Variants in TAOK3 observed in about 807,000 individuals in gnomAD.
The protein encoded by TAOK3 is TAO kinase 3.
A neutral mutation model predicts 120.4 loss-of-function variants in TAOK3; 40 were observed. The observed-to-expected ratio is 0.33, with a 90% confidence interval of 0.26 to 0.43. The LOEUF (loss-of-function observed/expected upper bound fraction) is 0.43, where lower values mean the gene tolerates loss of function less well. TAOK3 is among the 20% of genes least tolerant of loss of function. The pLI, the probability that TAOK3 is intolerant of heterozygous loss-of-function variation, is 1.00. For missense variants in TAOK3, 821 were observed against 1,112.1 expected, an observed-to-expected ratio of 0.74 and a Z score of 3.72; for synonymous variants, 355 against 387.5, an observed-to-expected ratio of 0.92 and a Z score of 0.99.
At chr12:118,168,809 C>T (rs1295937445) in intron 17 of TAOK3, among the ~76,000 whole-genome samples, 1 of 152,098 alleles carries the variant, frequency 6.6e-6, no homozygotes, top group Non-Finnish European at 1.5e-5. Flanking sequence ...CTCAGACTTC[C>T]TCCAAATATC....
intron 1 of TAOK3, among the ~76,000 whole-genome samples, chr12:118,366,062 G>A (rs576176155): frequency 1.3e-5 from 2 of 152,156 alleles, no homozygotes; most frequent in South Asian, 2.1e-4. Context: ...TCAGGAATTC[G>A]AGACCAGCCT....
chr12:118,348,438 ATTTC>A (rs1174216144), intron 1 of TAOK3, among the ~76,000 whole-genome samples: 58 of 151,246 alleles, frequency 3.8e-4, no homozygotes, highest in Non-Finnish European at 6.2e-4. Flanking sequence ...CTTCTGCCTT[ATTTC>A]TTTCTTTCTT....
At chr12:118,270,499 A>G (rs1407448291) in intron 1 of TAOK3, among the ~76,000 whole-genome samples, 1 of 152,144 alleles carries the variant, frequency 6.6e-6, no homozygotes, top group East Asian at 1.9e-4. Context: ...GCTTCAAACC[A>G]GTAGTCTAAC....
intron 2 of TAOK3, chr12:118,261,752 T>C (rs1055626133): frequency 2.0e-5 from 3 of 152,218 alleles, no homozygotes; most frequent in African/African-American, 4.8e-5. Context: ...CTTTCTGTTG[T>C]CAAACAACAT....
intron 13 of TAOK3, among the ~76,000 whole-genome samples, chr12:118,197,813 G>A (rs557337450): frequency 3.4e-5 from 5 of 145,136 alleles, no homozygotes; most frequent in Admixed American, 1.5e-4. Flanking sequence ...TCAGCCTCCC[G>A]AGTAGCTGGG....
rs752719207 is a variant in TAOK3, at chr12:118,161,789, T to C, written c.2138A>G (p.Lys713Arg). 1 of 1,614,212 alleles carries C rather than the reference T, an allele frequency of 6.2e-7. No individual in the cohort carries two copies. The highest frequency in any genetic ancestry group is 1.7e-5 in the Admixed American group (1 of 60,032). Residue 713 changes from lysine to arginine, a missense_variant and splice_region_variant, in exon 18 of 21, where the codon AAG becomes AGG. By Grantham distance (26) the Lys-to-Arg change is conservative. Transcript: ENST00000392533. This position sits in a 1 kb window ranked among gnomAD's most constrained non-coding sequence, Gnocchi z 4.5. ...ACTGTCCAGCAGCACAAATCTTACC[T>C]TTAAGTTTTTTGGCTGTTGCCGAAG... ...MELRQQPKNL[K>R]AMEMQIKKQF...
At chr12:118,284,873 A>C (rs2042210903) in intron 1 of TAOK3, among the ~76,000 whole-genome samples, 2 of 152,166 alleles carry the variant, frequency 1.3e-5, no homozygotes, top group South Asian at 4.1e-4. Context: ...GCATTCACCT[A>C]TTAAATATAT....
Position 118,251,223 on chromosome 12 carries a change from C to T in TAOK3, c.120+4225G>A, listed in dbSNP as rs113686046. Among the ~76,000 whole-genome samples the T allele has an allele frequency of 5.5e-3, 838 of 152,224 alleles. 3 individuals are homozygous for T. The highest frequency in any genetic ancestry group is 0.019 in the African/African-American group (776 of 41,532). On this transcript the variant is annotated intron_variant, in intron 3 of 20. Transcript: ENST00000392533. Reference sequence around the variant, plus strand: ...CCAAATAAGAGATAGCAGAGTCTTCCTGGTAATAATGGTACAAGTAACAAA... The same window carrying T: ...CCAAATAAGAGATAGCAGAGTCTTCTTGGTAATAATGGTACAAGTAACAAA...
At chr12:118,266,193 TTTTTA>T (rs1195056662) in intron 2 of TAOK3, among the ~76,000 whole-genome samples, 1 of 152,136 alleles carries the variant, frequency 6.6e-6, no homozygotes, top group East Asian at 1.9e-4. Flanking sequence ...AAGATTTTTA[TTTTTA>T]TTTTATTTTT....
intron 11 of TAOK3, among the ~76,000 whole-genome samples, chr12:118,210,243 C>A (rs1250307791): frequency 6.6e-6 from 1 of 152,016 alleles, no homozygotes; most frequent in African/African-American, 2.4e-5. Flanking sequence ...TGGCTAGATT[C>A]TGTTATTGAG....
intron 2 of TAOK3, among the ~76,000 whole-genome samples, chr12:118,262,710 C>G (rs2041283946): frequency 6.6e-6 from 1 of 150,882 alleles, no homozygotes; most frequent in African/African-American, 2.4e-5. Context: ...ACCTGTAATC[C>G]CAGCTACTTG....
chr12:118,157,131 C>T (rs1302402381), intron 19 of TAOK3, among the ~76,000 whole-genome samples: 1 of 152,134 alleles, frequency 6.6e-6, no homozygotes, highest in African/African-American at 2.4e-5. Context: ...ACTCTCAATT[C>T]TACCTCCCAC....
chr12:118,292,223 G>A (rs2042511872), intron 1 of TAOK3, among the ~76,000 whole-genome samples: 1 of 152,088 alleles, frequency 6.6e-6, no homozygotes, highest in Non-Finnish European at 1.5e-5. Context: ...GTCTTCAATC[G>A]ACAAGTCTAA....
In TAOK3 at chr12:118,235,689, AGGGT is replaced by A; in HGVS notation, c.438-22_438-19del. On this transcript the variant is annotated intron_variant, in intron 7 of 20. Transcript: ENST00000392533. ...TAATATCCCTATAGGAAAAAAAAAA[AGGGT>A]TAGAAAATTACTTTTCAATTTTGAT... The A allele has an allele frequency of 2.0e-6, 3 of 1,494,604 alleles. No homozygotes were observed. Among genetic ancestry groups the A allele is most frequent in the Non-Finnish European group, 2.8e-6 (3 of 1,082,020 alleles). The allele number at this position is 1,494,604 out of a possible 1,614,324, so 92.6% of individuals were successfully genotyped here.
intron 7 of TAOK3, among the ~76,000 whole-genome samples, chr12:118,237,585 T>A (rs555903109): frequency 3.3e-5 from 5 of 152,262 alleles, no homozygotes; most frequent in Admixed American, 3.3e-4. Context: ...AGCCCTGGTC[T>A]CTTCATATGC....
intron 2 of TAOK3, among the ~76,000 whole-genome samples, chr12:118,261,958 T>C (rs1023131460): frequency 6.6e-6 from 1 of 152,102 alleles, no homozygotes; most frequent in Admixed American, 6.5e-5. Flanking sequence ...CCTCCCGGGT[T>C]CCAGCAATTC....
Position 118,182,939 on chromosome 12 carries a change from G to T in TAOK3, c.1330-1332C>A, listed in dbSNP as rs559839559. ...GTAAATGTACATTTCAGCACCTCTT[G>T]CTCATTTCTATTAAATCTTTTGTGA... On this transcript the variant is annotated intron_variant, in intron 14 of 20. Coordinates refer to ENST00000392533, the MANE Select transcript of TAOK3 (RefSeq NM_016281.4). 4.6e-5 allele frequency among the ~76,000 whole-genome samples: 7 copies of T among 151,994 alleles called. No individual in the cohort carries two copies. In the South Asian group the frequency reaches 1.0e-3, roughly 23 times the overall value.
intron 13 of TAOK3, chr12:118,198,386 C>CTTTTTTTTTTTTTTTTTT (rs756808682): frequency 8.2e-6 from 1 of 121,284 alleles, no homozygotes; most frequent in Non-Finnish European, 1.7e-5. Context: ...CTTTCTTCTT[C>CTTTTTTTTTTTTTTTTTT]TTCTTTTTTT....
At chr12:118,202,773 CTTTTTTTTT>C (rs58282262) in intron 11 of TAOK3, among the ~76,000 whole-genome samples, 1 of 100,646 alleles carries the variant, frequency 9.9e-6, no homozygotes, top group African/African-American at 4.1e-5. Context: ...ATAGTCTATT[CTTTTTTTTT>C]TTTTTTTTTT....
Sources: gnomAD v4.1 joint callset for allele counts (sites outside exome capture counted in the v4.1 genomes callset) on GRCh38, gnomAD v4.1.1 for gene constraint, Gnocchi (gnomAD v3.1) non-coding constraint, MANE v1.5 for transcripts, NCBI Gene and HGNC (gene_info 2026-07-23, HGNC 2026-07-21) for gene names.